Variants in ECM2 observed in about 807,000 individuals in gnomAD.
ECM2 encodes the protein extracellular matrix protein 2, female organ and adipocyte specific.
In ECM2, 57 loss-of-function variants were observed where a neutral mutation model predicts 67.5. The ratio of observed to expected loss-of-function variants is 0.84; its 90% CI spans 0.68 to 1.05. ECM2 has a LOEUF of 1.05. Ranked by LOEUF, ECM2 falls within the 50% of genes least tolerant of loss-of-function variation. The probability of loss-of-function intolerance (pLI) is 0.00; values close to 1 mark genes in which losing one functional copy is unlikely to be tolerated. For synonymous variants in ECM2, 258 were observed against 294.5 expected (o/e 0.88, Z 1.27); for missense variants, 741 against 822.8 (o/e 0.90, Z 1.22).
chr9:92,549,251 T>C, the ECM2 span, among the ~76,000 whole-genome samples: 11 of 152,132 alleles, frequency 7.2e-5, no homozygotes, highest in Non-Finnish European at 1.3e-4. Context: ...AGCAGGCCGA[T>C]TTGGACTTAA....
chr9:92,536,710 A>G (rs1417973021), upstream of ECM2: 1 of 152,120 alleles, frequency 6.6e-6, no homozygotes, highest in Non-Finnish European at 1.5e-5. Flanking sequence ...TTTATGAGGG[A>G]CCTTGAGTAA....
chr9:92,541,949 G>A, the ECM2 span, among the ~76,000 whole-genome samples: 11 of 151,898 alleles, frequency 7.2e-5, no homozygotes, highest in Admixed American at 3.3e-4. Flanking sequence ...ATCCGCCGCC[G>A]CACCCAGCTA....
At chr9:92,555,214 A>ATTTT in the ECM2 span, among the ~76,000 whole-genome samples, 73 of 63,458 alleles carry the variant, frequency 1.2e-3, 2 homozygotes, top group East Asian at 4.3e-3. Flanking sequence ...TTTTTTGGAA[A>ATTTT]TTTTTTTTTT....
At chr9:92,552,074 ATCTATCATATAT>A in the ECM2 span, among the ~76,000 whole-genome samples, 5 of 108,524 alleles carry the variant, frequency 4.6e-5, no homozygotes, top group Non-Finnish European at 9.3e-5. Context: ...GATATGATAG[ATCTATCATATAT>A]GTGATATGAT....
the ECM2 span, among the ~76,000 whole-genome samples, chr9:92,544,471 G>A: frequency 3.3e-5 from 5 of 151,922 alleles, no homozygotes; most frequent in Non-Finnish European, 5.9e-5. Context: ...GCAAGACTCC[G>A]TCTCAAAAAA....
intron 1 of ECM2, among the ~76,000 whole-genome samples, chr9:92,524,842 A>G (rs1446791706): frequency 6.6e-6 from 1 of 152,236 alleles, no homozygotes; most frequent in East Asian, 1.9e-4. Flanking sequence ...TCTCACAGGC[A>G]TACCTTGGTC....
chr9:92,545,741 G>A, the ECM2 span, among the ~76,000 whole-genome samples: 488 of 152,308 alleles, frequency 3.2e-3, 1 homozygote, highest in Admixed American at 8.4e-3. Flanking sequence ...GTGGGGATTT[G>A]GAGAACCTTT....
upstream of ECM2, among the ~76,000 whole-genome samples, chr9:92,536,889 A>G (rs1384326619): frequency 7.6e-6 from 1 of 131,982 alleles, no homozygotes; most frequent in African/African-American, 2.8e-5. Context: ...TTTTTTTGAG[A>G]CGGGAGTTTT....
chr9:92,544,711 A>ATT, the ECM2 span, among the ~76,000 whole-genome samples: 1 of 118,848 alleles, frequency 8.4e-6, no homozygotes, highest in Admixed American at 9.0e-5. Flanking sequence ...TATCACTATA[A>ATT]ATTTTTTTTT....
intron 9 of ECM2, among the ~76,000 whole-genome samples, chr9:92,499,692 C>G (rs139255286): frequency 1.6e-4 from 25 of 152,292 alleles, no homozygotes; most frequent in Admixed American, 5.9e-4. Flanking sequence ...TCCCAAACCC[C>G]CATCTCTTCC....
chr9:92,514,878 C>A lies in ECM2; in HGVS notation c.807G>T (p.Arg269Ser). ...RLAHQQQRQG[R>S]EEEEDEEEEG... is the part of the protein sequence containing the mutation. ...CCTCCTCCTCATCCTCCTCCTCCTC[C>A]CTTCCTTGGCGTTGTTGCTGGTGTG... The change falls in exon 4 of 10, where the codon AGG becomes AGT. Residue 269 changes from arginine (R) to serine (S), a missense_variant. Transcript: ENST00000344604. 6.2e-7 allele frequency: 1 copy of A among 1,613,356 alleles called. No individual in the cohort carries two copies. The highest frequency in any genetic ancestry group is 8.5e-7 in the Non-Finnish European group (1 of 1,179,462).
the ECM2 span, among the ~76,000 whole-genome samples, chr9:92,555,593 C>G: frequency 6.6e-6 from 1 of 152,048 alleles, no homozygotes; most frequent in African/African-American, 2.4e-5. Context: ...TTATCTAATT[C>G]TTCCTGATTT....
At chr9:92,536,671 A>G (rs1295141007), upstream of ECM2, 1 of 152,246 alleles carries the variant, frequency 6.6e-6, no homozygotes, top group Non-Finnish European at 1.5e-5. Flanking sequence ...AGTTAGAGAC[A>G]GATCAGGATT....
At chr9:92,532,015 G>GTTTTTTTTTTTGTTTTTTTTTT (rs1848801440) in intron 1 of ECM2, among the ~76,000 whole-genome samples, 2 of 95,736 alleles carry the variant, frequency 2.1e-5, no homozygotes, top group African/African-American at 1.2e-4. Flanking sequence ...TTTATTTAAT[G>GTTTTTTTTTTTGTTTTTTTTTT]TTTTTTTTTT....
intron 7 of ECM2, among the ~76,000 whole-genome samples, chr9:92,504,577 C>T (rs1330517522): frequency 6.6e-6 from 1 of 152,040 alleles, no homozygotes; most frequent in Non-Finnish European, 1.5e-5. Context: ...TCTGTGTTGC[C>T]CAGGCTGGAG....
the ECM2 span, among the ~76,000 whole-genome samples, chr9:92,548,846 G>T: frequency 6.6e-6 from 1 of 152,210 alleles, no homozygotes; most frequent in East Asian, 1.9e-4. Context: ...CAAAATCCTA[G>T]CAGTTCACTT....
At chr9:92,497,156 T>A (rs1291494765) in intron 9 of ECM2, among the ~76,000 whole-genome samples, 1 of 152,164 alleles carries the variant, frequency 6.6e-6, no homozygotes, top group Non-Finnish European at 1.5e-5. Flanking sequence ...CAAAATGACA[T>A]TTATACAAAC....
chr9:92,500,638 C>A lies in ECM2; in HGVS notation c.1931+89G>T. On this transcript the variant is annotated intron_variant, in intron 9 of 9. Transcript: ENST00000344604. ...TTAGCACCATTTTTTTTTCCCTTAA[C>A]GTAAATCCCAGAGATCATGTCATGG... is the stretch of plus-strand genomic sequence containing the variant. 2.2e-6 allele frequency: 3 copies of A among 1,342,850 alleles called. No individual in the cohort carries two copies. In the South Asian group the frequency reaches 4.3e-5, roughly 19 times the overall value. The allele number at this position is 1,342,850 out of a possible 1,614,324, so 83.2% of individuals were successfully genotyped here.
rs752287112 is a variant in ECM2, at chr9:92,514,619, A to G, written c.1054+12T>C. On this transcript the variant is annotated intron_variant, in intron 4 of 9. Coordinates refer to ENST00000344604, the MANE Select transcript of ECM2 (RefSeq NM_001393.4). ...TAAAGCACAAAATAAAGCAGAAGTC[A>G]ACATCTCTTACCAGTGAGCTCCAGA... 6.4e-7 allele frequency: 1 copy of G among 1,551,046 alleles called. No homozygotes were observed. Among genetic ancestry groups the G allele is most frequent in the East Asian group, 2.3e-5 (1 of 44,086 alleles).
Sources: gnomAD v4.1 joint callset for allele counts (sites outside exome capture counted in the v4.1 genomes callset) on GRCh38, gnomAD v4.1.1 for gene constraint, MANE v1.5 for transcripts, NCBI Gene and HGNC (gene_info 2026-07-23, HGNC 2026-07-21) for gene names.